Variants in DPH7 observed in about 807,000 individuals in gnomAD.
DPH7 encodes diphthamide biosynthesis 7, also known as diphthine methyltransferase.
DPH7 carries 44 observed loss-of-function variants against 41.7 expected under a neutral mutation model. That is an observed-to-expected ratio of 1.05 (90% confidence interval 0.83 to 1.36). DPH7 has a LOEUF of 1.36. DPH7 is among the 40% of genes most tolerant of loss of function. DPH7 has a pLI of 0.00. For synonymous variants in DPH7, 275 were observed against 238.0 expected, an observed-to-expected ratio of 1.16 and a Z score of -1.43; for missense variants, 629 against 577.5, an observed-to-expected ratio of 1.09 and a Z score of -0.91.
Position 137,564,882 on chromosome 9 carries a change from T to C in DPH7, c.776+11A>G. 6.3e-7 allele frequency: 1 copy of C among 1,587,752 alleles called. No individual in the cohort carries two copies. The highest frequency in any genetic ancestry group is 8.6e-7 in the Non-Finnish European group (1 of 1,167,264). On this transcript the variant is annotated intron_variant, in intron 7 of 8. Transcript: ENST00000277540. ...AGACGAGAAGGGCCCGAGAGCCTCC[T>C]GGGGACTCACCTTCCCGTGGCCAGG...
chr9:137,572,557 G>A (rs995347800), intron 5 of DPH7, among the ~76,000 whole-genome samples: 2 of 152,226 alleles, frequency 1.3e-5, no homozygotes, highest in African/African-American at 4.8e-5. Context: ...ACAGTGGCCC[G>A]GATGGGTAGC....
At position 137,561,060 on chromosome 9, in the gene DPH7, A is replaced by G. The variant is rs967457703; in HGVS notation, c.949+3374T>C. On this transcript the variant is annotated intron_variant, in intron 8 of 8. Transcript: ENST00000277540. ...AAAAAAAGAAAAAAAGAAAATCACC[A>G]TTTTGCCATTACCATAATTTATTCA... 1.8e-4 allele frequency among the ~76,000 whole-genome samples: 28 copies of G among 151,558 alleles called. No homozygotes were observed. In the East Asian group the frequency reaches 4.7e-3, roughly 25 times the overall value.
chr9:137,555,514 T>G lies in DPH7; in HGVS notation c.1084A>C (p.Thr362Pro), dbSNP rs759690235. The change falls in exon 9 of 9, where the codon ACC (threonine) becomes CCC (proline). Residue 362 changes from threonine to proline, a missense_variant. Physicochemically the swap from Thr to Pro is conservative, Grantham distance 38. Transcript: ENST00000277540. ...PSWSFPSNLG[T>P]KTADLKGASE... ...GCACCCTTCAGGTCTGCCGTCTTGGTTCCTAGGTTGCTAGGAAAGGACCAC... is the reference window on the plus strand; with the variant it reads ...GCACCCTTCAGGTCTGCCGTCTTGGGTCCTAGGTTGCTAGGAAAGGACCAC... 6.2e-6 allele frequency: 10 copies of G among 1,614,080 alleles called. No homozygotes were observed. The highest frequency in any genetic ancestry group is 1.3e-5 in the African/African-American group (1 of 75,032).
intron 8 of DPH7, among the ~76,000 whole-genome samples, chr9:137,559,229 G>A (rs1435763334): frequency 6.6e-6 from 1 of 152,204 alleles, no homozygotes; most frequent in South Asian, 2.1e-4. Flanking sequence ...GACATAGTGA[G>A]GTGTGACCAG....
chr9:137,557,511 A>ATAC, intron 8 of DPH7, among the ~76,000 whole-genome samples: 1 of 151,754 alleles, frequency 6.6e-6, no homozygotes, highest in South Asian at 2.1e-4. Flanking sequence ...TCTCAAAAAA[A>ATAC]AAAAATTGTT....
intron 5 of DPH7, among the ~76,000 whole-genome samples, chr9:137,570,981 G>A (rs948140390): frequency 3.3e-5 from 5 of 152,088 alleles, no homozygotes; most frequent in African/African-American, 1.2e-4. Context: ...ATGTAAGCTG[G>A]GTGAAAGCAG....
At position 137,570,962 on chromosome 9, in the gene DPH7, C is replaced by T. The variant is rs545562991; in HGVS notation, c.640+3246G>A. Among the ~76,000 whole-genome samples, 238 of 152,270 alleles carry T rather than the reference C, an allele frequency of 1.6e-3. 1 individual carries two copies. Among genetic ancestry groups the T allele is most frequent in the African/African-American group, 5.4e-3 (225 of 41,540 alleles). ...GCCTTGTGTTTACTGTCTGTCTCCCCGCCACAGAATGTAAGCTGGGTGAAA... is the reference window on the plus strand; with the variant it reads ...GCCTTGTGTTTACTGTCTGTCTCCCTGCCACAGAATGTAAGCTGGGTGAAA... On this transcript the variant is annotated intron_variant, in intron 5 of 8. Coordinates refer to ENST00000277540, the MANE Select transcript of DPH7 (RefSeq NM_138778.5).
rs548613402 is a variant in DPH7, at chr9:137,564,950, A to G, written c.719T>C (p.Met240Thr). ...KFLFTSKRHTMGVCSIQSSPH... is the reference protein window; with the variant it reads ...KFLFTSKRHTTGVCSIQSSPH... ...GCTGCTCTGGATGCTGCACACACCC[A>G]TGGTGTGTCTGCAAGCAGAGGCGGC... Residue 240 changes from methionine (M) to threonine (T), a missense_variant, in exon 7 of 9, where the codon ATG becomes ACG. Transcript: ENST00000277540. 1.6e-4 allele frequency: 260 copies of G among 1,596,382 alleles called. No homozygotes were observed. The South Asian group carries it at 2.7e-3, about 16-fold the overall frequency.
chr9:137,578,570 G>A, intron 1 of DPH7, 55 bp downstream of exon 1: 1 of 1,418,208 alleles, frequency 7.1e-7, no homozygotes, highest in Non-Finnish European at 9.2e-7. Context: ...GCGCCTTTCG[G>A]CCTCAACCTC....
intron 5 of DPH7, among the ~76,000 whole-genome samples, chr9:137,573,090 G>A (rs1192172228): frequency 6.6e-6 from 1 of 152,106 alleles, no homozygotes; most frequent in African/African-American, 2.4e-5. Flanking sequence ...GGCGGGGCAA[G>A]GTGGCTCACG....
Position 137,564,433 on chromosome 9 carries a change from C to G in DPH7, c.949+1G>C. On this transcript the variant is annotated splice_donor_variant, in intron 8 of 8. Transcript: ENST00000277540. LOFTEE classifies it high-confidence loss of function. ...CCCAGCAGCCACGGGTCCCCACTCA[C>G]CCATTGCCTTTTGGCAGTTGAGGAT... The G allele has an allele frequency of 6.2e-7, 1 of 1,611,956 alleles. No individual in the cohort carries two copies. Among genetic ancestry groups the G allele is most frequent in the East Asian group, 2.2e-5 (1 of 44,834 alleles).
At position 137,555,300 on chromosome 9, in the gene DPH7, A is replaced by C. The variant is rs760247811; in HGVS notation, c.1298T>G (p.Leu433Arg). The stretch of plus-strand genomic sequence containing the variant: ...GTCATAGAAGGAGCAGGTGGCCAGG[A>C]GGCTGAAGGCTGAGTCTGCTTCTTC... ...NPEEADSAFS[L>R]LATCSFYDHA... is the part of the protein sequence containing the mutation. The change falls in exon 9 of 9, where the codon CTC becomes CGC. Residue 433 changes from leucine (L) to arginine (R), a missense_variant. Physicochemically the swap from Leu to Arg is moderately radical, Grantham distance 102 (BLOSUM62 -2). Transcript: ENST00000277540. 2 of 1,612,768 alleles carry C rather than the reference A, an allele frequency of 1.2e-6. No homozygotes were observed. Among genetic ancestry groups the C allele is most frequent in the African/African-American group, 2.7e-5 (2 of 74,976 alleles).
At chr9:137,564,697 G>A (rs554569527) in intron 7 of DPH7, 91 bp from the exon 8 acceptor site, 5 of 1,532,524 alleles carry the variant, frequency 3.3e-6, no homozygotes, top group African/African-American at 1.4e-5. Flanking sequence ...GTCTCCCAGA[G>A]ACCTGTCCCA....
intron 5 of DPH7, among the ~76,000 whole-genome samples, chr9:137,572,351 G>A (rs1427067433): frequency 6.6e-6 from 1 of 152,314 alleles, no homozygotes; most frequent in East Asian, 1.9e-4. Context: ...GATTCCACAG[G>A]CCTTGGGTAA....
chr9:137,578,596 C>A, intron 1 of DPH7, 29 bp downstream of exon 1: 2 of 1,449,296 alleles, frequency 1.4e-6, no homozygotes, highest in Non-Finnish European at 9.0e-7. Context: ...CGGCCCCGCC[C>A]TCCCCTCCCG....
chr9:137,577,886 G>A (rs1321560816), intron 1 of DPH7: 20 of 859,354 alleles, frequency 2.3e-5, no homozygotes, highest in African/African-American at 1.8e-5. Flanking sequence ...CCTGACTTAC[G>A]CCTGTTGTTC....
chr9:137,558,900 C>A (rs1838003456), intron 8 of DPH7, among the ~76,000 whole-genome samples: 1 of 152,056 alleles, frequency 6.6e-6, no homozygotes, highest in Admixed American at 6.6e-5. Flanking sequence ...AGGTGATCCG[C>A]CCGCCTCAGC....
intron 5 of DPH7, among the ~76,000 whole-genome samples, chr9:137,569,115 T>C (rs1839934893): frequency 2.0e-5 from 3 of 151,962 alleles, no homozygotes; most frequent in Admixed American, 1.3e-4. Context: ...TGGTGGCACC[T>C]GAAGGAAGGG....
rs1837613930 is a variant in DPH7, at chr9:137,556,939, G to A, written c.950-1291C>T. On this transcript the variant is annotated intron_variant, in intron 8 of 8. Coordinates refer to ENST00000277540, the MANE Select transcript of DPH7 (RefSeq NM_138778.5). The surrounding 1 kb of genome is among the most constrained non-coding windows in gnomAD (Gnocchi z 5.2). The stretch of plus-strand genomic sequence containing the variant: ...AAGAATGGGAGGCCCTTTCTGATTA[G>A]CCACAGGCCAACGTTTCCTCCCTCT... 1 of 455,544 alleles carries A rather than the reference G, an allele frequency of 2.2e-6. No homozygotes were observed. The highest frequency in any genetic ancestry group is 2.4e-5 in the Admixed American group (1 of 42,274). The allele number at this position is 455,544 out of a possible 1,614,324, so 28.2% of individuals were successfully genotyped here. A position where few individuals can be genotyped will look rare whatever the true frequency, so the allele number is the denominator to read the frequency against.
Sources: allele counts gnomAD v4.1 joint callset (sites outside exome capture counted in the v4.1 genomes callset), GRCh38; gene constraint gnomAD v4.1.1; non-coding constraint Gnocchi (gnomAD v3.1); transcripts MANE v1.5; gene names NCBI Gene and HGNC (gene_info 2026-07-23, HGNC 2026-07-21).